The following CLSTN2 variants were observed in gnomAD, a reference collection of about 807,000 sequenced individuals.
The protein encoded by CLSTN2 is calsyntenin 2.
Under a neutral mutation model 101.2 loss-of-function variants are expected in CLSTN2, and 48 were observed. That is an observed-to-expected ratio of 0.47 (90% confidence interval 0.38 to 0.60). CLSTN2 has a LOEUF of 0.60. CLSTN2 is among the 20% of genes least tolerant of loss of function. The pLI, the probability that CLSTN2 is intolerant of heterozygous loss-of-function variation, is 0.00. For missense variants in CLSTN2, 1,160 were observed against 1,238.2 expected (o/e 0.94, Z 0.95); for synonymous variants, 481 against 463.6 (o/e 1.04, Z -0.48).
intron 2 of CLSTN2, among the ~76,000 whole-genome samples, chr3:140,377,803 G>A (rs527839891): frequency 3.3e-5 from 5 of 152,116 alleles, no homozygotes; most frequent in African/African-American, 2.4e-5. Context: ...ATTTAGTGTA[G>A]CCTAAATGTG....
At chr3:140,332,180 A>G (rs1204238519) in intron 2 of CLSTN2, among the ~76,000 whole-genome samples, 2 of 152,186 alleles carry the variant, frequency 1.3e-5, no homozygotes, top group East Asian at 3.9e-4. Context: ...AGCTGTCTTA[A>G]CACTGGGTAA....
At chr3:140,347,757 C>T (rs1170445786) in intron 2 of CLSTN2, among the ~76,000 whole-genome samples, 1 of 152,150 alleles carries the variant, frequency 6.6e-6, no homozygotes, top group Non-Finnish European at 1.5e-5. Flanking sequence ...ACTACAGTAC[C>T]CTATCCTAAT....
chr3:140,287,886 C>T (rs1576500248), intron 2 of CLSTN2, among the ~76,000 whole-genome samples: 1 of 152,144 alleles, frequency 6.6e-6, no homozygotes, highest in East Asian at 1.9e-4. Context: ...TATCTGAAAG[C>T]ATGCCCCAGT....
chr3:140,525,170 G>A (rs546429812), intron 8 of CLSTN2, among the ~76,000 whole-genome samples: 20 of 152,114 alleles, frequency 1.3e-4, no homozygotes, highest in East Asian at 3.9e-4. Context: ...TTGCTTTTTC[G>A]AAAGAATAAA....
intron 2 of CLSTN2, among the ~76,000 whole-genome samples, chr3:140,313,366 C>T (rs946166770): frequency 5.3e-5 from 8 of 152,112 alleles, no homozygotes; most frequent in East Asian, 1.9e-4. Context: ...ACCACACAGC[C>T]GTGGTACCCT....
chr3:140,491,190 C>T (rs1380069329), intron 8 of CLSTN2, among the ~76,000 whole-genome samples: 1 of 152,214 alleles, frequency 6.6e-6, no homozygotes, highest in Non-Finnish European at 1.5e-5. Context: ...CCGGCCTTCT[C>T]TTTACTCCCT....
At chr3:140,023,821 A>G (rs1256674523) in intron 1 of CLSTN2, among the ~76,000 whole-genome samples, 1 of 152,162 alleles carries the variant, frequency 6.6e-6, no homozygotes, top group Non-Finnish European at 1.5e-5. Context: ...GCTTCTTGGC[A>G]GGAGTCTGGC....
At chr3:140,343,901 C>T (rs928135554) in intron 2 of CLSTN2, among the ~76,000 whole-genome samples, 6 of 152,116 alleles carry the variant, frequency 3.9e-5, no homozygotes, top group South Asian at 4.1e-4. Context: ...GTAATTCAAC[C>T]GTCTTTACCG....
intron 8 of CLSTN2, among the ~76,000 whole-genome samples, chr3:140,492,247 G>A (rs1238546667): frequency 6.6e-6 from 1 of 152,200 alleles, no homozygotes; most frequent in Non-Finnish European, 1.5e-5. Flanking sequence ...AATTGGTACA[G>A]CCTCTTTAGA....
chr3:140,181,642 C>T (rs1449555683), intron 2 of CLSTN2, among the ~76,000 whole-genome samples: 2 of 152,028 alleles, frequency 1.3e-5, no homozygotes, highest in Non-Finnish European at 2.9e-5. Flanking sequence ...TATAATGTAT[C>T]CCTATGGAAT....
chr3:139,958,217 A>G (rs955036731), intron 1 of CLSTN2, among the ~76,000 whole-genome samples: 1 of 152,248 alleles, frequency 6.6e-6, no homozygotes, highest in East Asian at 1.9e-4. Flanking sequence ...GGGTACAGCC[A>G]CCAGAACATT....
chr3:140,500,852 G>A (rs1004475511), intron 8 of CLSTN2, among the ~76,000 whole-genome samples: 2 of 152,176 alleles, frequency 1.3e-5, no homozygotes, highest in Non-Finnish European at 2.9e-5. Context: ...AATGATTAGT[G>A]CTGTTGCCAT....
At chr3:139,942,056 T>C (rs1222207094) in intron 1 of CLSTN2, among the ~76,000 whole-genome samples, 2 of 152,136 alleles carry the variant, frequency 1.3e-5, no homozygotes, top group Non-Finnish European at 2.9e-5. Context: ...TAGGCATGGG[T>C]TCCCCTCTTC....
chr3:140,536,632 T>C (rs1292269832), intron 9 of CLSTN2, among the ~76,000 whole-genome samples: 1 of 152,230 alleles, frequency 6.6e-6, no homozygotes, highest in African/African-American at 2.4e-5. Flanking sequence ...TGCAGTGTTT[T>C]AGGCCATGGG....
rs748433483 is a variant in CLSTN2 at position 140,558,841 on chromosome 3, G to A, written c.2025G>A (p.Gly675=). The change falls in exon 12 of 17, where the codon GGG becomes GGA. Residue 675 remains glycine (G), a synonymous_variant. Transcript: ENST00000458420. ...CCTTCGCCAAAACCGAAGCCCCCGG[G>A]GACGTGAAAACCACAGGTACAGGTG... The part of the protein sequence containing the change: ...VSTFAKTEAP[G]DVKTTDPKSE... 1.9e-6 allele frequency: 3 copies of A among 1,613,800 alleles called. No homozygotes were observed. In the East Asian group the frequency reaches 6.7e-5, roughly 36 times the overall value.
In CLSTN2 at chr3:140,574,875, G is replaced by A. The variant is rs1301561169; in HGVS notation, c.*8622G>A. ...CAGAGAAGGCAGGCAAAGGGATGAGGAGGTAGCATCTCCTCTTCAGAAGGA... is the reference window on the plus strand; with the variant it reads ...CAGAGAAGGCAGGCAAAGGGATGAGAAGGTAGCATCTCCTCTTCAGAAGGA... On this transcript the variant is annotated 3_prime_UTR_variant, in exon 17 of 17. Coordinates refer to ENST00000458420, the MANE Select transcript of CLSTN2 (RefSeq NM_022131.3). 2 of 152,246 alleles carry A rather than the reference G, an allele frequency of 1.3e-5. No individual in the cohort carries two copies. The highest frequency in any genetic ancestry group is 4.8e-5 in the African/African-American group (2 of 41,450). The allele number at this position is 152,246 out of a possible 1,614,324, so 9.4% of individuals were successfully genotyped here. A position where few individuals can be genotyped will look rare whatever the true frequency, so the allele number is the denominator to read the frequency against.
In CLSTN2 at chr3:140,316,076, G is replaced by A. The variant is rs188001080; in HGVS notation, c.233-87553G>A. ...CACTCATTTGGTAGGCATCTGCTGA[G>A]TGCTGGCTGTGCATTGGGCTCTGTG... On this transcript the variant is annotated intron_variant, in intron 2 of 16. Transcript: ENST00000458420. Among the ~76,000 whole-genome samples, 7 of 152,326 alleles carry A rather than the reference G, an allele frequency of 4.6e-5. No individual in the cohort carries two copies. The East Asian group carries it at 9.6e-4, about 21-fold the overall frequency.
intron 5 of CLSTN2, among the ~76,000 whole-genome samples, chr3:140,427,846 C>T (rs561368608): frequency 6.6e-6 from 1 of 152,124 alleles, no homozygotes; most frequent in African/African-American, 2.4e-5. Context: ...TTGGTGGACT[C>T]ATCACCTGAG....
intron 6 of CLSTN2, among the ~76,000 whole-genome samples, chr3:140,452,979 C>T (rs752218336): frequency 5.9e-5 from 9 of 152,174 alleles, no homozygotes; most frequent in Admixed American, 2.0e-4. Flanking sequence ...TCCAGAGGTG[C>T]GTGTCACAGA....
Sources: allele counts gnomAD v4.1 joint callset (sites outside exome capture counted in the v4.1 genomes callset), GRCh38; gene constraint gnomAD v4.1.1; transcripts MANE v1.5; gene names NCBI Gene and HGNC (gene_info 2026-07-23, HGNC 2026-07-21).